KIAA1217: variants seen among roughly 807,000 people sequenced by gnomAD.
The protein encoded by KIAA1217 is sickle tail protein homolog.
In KIAA1217, 88 loss-of-function variants were observed where a neutral mutation model predicts 163.9. That is an observed-to-expected ratio of 0.54 (90% confidence interval 0.45 to 0.64). The LOEUF (loss-of-function observed/expected upper bound fraction) is 0.64. Among genes scored for constraint, KIAA1217 ranks in the 30% least tolerant of loss-of-function variants. The probability of loss-of-function intolerance (pLI) is 0.00; values close to 1 mark genes in which losing one functional copy is unlikely to be tolerated. For missense variants in KIAA1217, 2,372 were observed against 2,475.0 expected, an observed-to-expected ratio of 0.96 and a Z score of 0.88; for synonymous variants, 903 against 923.1, an observed-to-expected ratio of 0.98 and a Z score of 0.39.
chr10:24,518,739 TCAAGAATC>T (rs1322088207), intron 10 of KIAA1217, among the ~76,000 whole-genome samples: 1 of 152,180 alleles, frequency 6.6e-6, no homozygotes, highest in African/African-American at 2.4e-5. Context: ...TCTCTTCGTG[TCAAGAATC>T]CAATAGCTGT....
chr10:23,968,029 G>A (rs1271694257), intron 1 of KIAA1217, among the ~76,000 whole-genome samples: 1 of 151,266 alleles, frequency 6.6e-6, no homozygotes, highest in Non-Finnish European at 1.5e-5. Flanking sequence ...CATGTGCCAT[G>A]GTGGTTTGCT....
intron 2 of KIAA1217, among the ~76,000 whole-genome samples, chr10:24,063,089 T>A (rs1255407508): frequency 6.6e-6 from 1 of 152,162 alleles, no homozygotes; most frequent in East Asian, 1.9e-4. Flanking sequence ...TTCTGTAGGT[T>A]GCCTGTTCAC....
At chr10:23,855,742 C>T (rs1221583554) in intron 1 of KIAA1217, among the ~76,000 whole-genome samples, 1 of 152,148 alleles carries the variant, frequency 6.6e-6, no homozygotes, top group Non-Finnish European at 1.5e-5. Context: ...AACTTTCCTT[C>T]TCGCTTCATT....
Position 23,862,595 on chromosome 10 carries a change from A to T in KIAA1217, c.-320-144630A>T, listed in dbSNP as rs532667186. Among the ~76,000 whole-genome samples the T allele has an allele frequency of 2.0e-5, 3 of 152,272 alleles. No homozygotes were observed. In the South Asian group the frequency reaches 6.2e-4, roughly 32 times the overall value. On this transcript the variant is annotated intron_variant, in intron 1 of 18. Coordinates refer to the KIAA1217 transcript ENST00000376462. Reference sequence around the variant, plus strand: ...TGTAATTACTTATACTTTTATCCAAACAGATTGAAAACAGTAATAAAAATT... The same window carrying T: ...TGTAATTACTTATACTTTTATCCAATCAGATTGAAAACAGTAATAAAAATT...
intron 1 of KIAA1217, among the ~76,000 whole-genome samples, chr10:23,871,206 T>C (rs922612855): frequency 6.6e-6 from 1 of 152,114 alleles, no homozygotes; most frequent in African/African-American, 2.4e-5. Context: ...ACTTGATTAC[T>C]GTCATTGTAG....
At chr10:24,497,213 G>A (rs560702674) in intron 8 of KIAA1217, among the ~76,000 whole-genome samples, 2 of 152,314 alleles carry the variant, frequency 1.3e-5, no homozygotes, top group East Asian at 3.9e-4. Flanking sequence ...AACTCATCTG[G>A]CCAAGAGTAA....
intron 2 of KIAA1217, among the ~76,000 whole-genome samples, chr10:24,172,822 T>G (rs2065693747): frequency 6.6e-6 from 1 of 152,202 alleles, no homozygotes; most frequent in Admixed American, 6.5e-5. Context: ...TCACTTCTGT[T>G]TTCTCTATTT....
intron 1 of KIAA1217, among the ~76,000 whole-genome samples, chr10:23,954,494 G>A (rs184824428): frequency 4.5e-4 from 69 of 152,108 alleles, no homozygotes; most frequent in African/African-American, 1.5e-3. Context: ...GAGCCTAGGA[G>A]GTTGACGCTG....
chr10:24,124,866 C>T (rs540646476), intron 2 of KIAA1217, among the ~76,000 whole-genome samples: 1 of 152,254 alleles, frequency 6.6e-6, no homozygotes, highest in South Asian at 2.1e-4. Context: ...GAGACTTACT[C>T]ATTTTATATT....
At chr10:24,355,990 AC>A (rs1025365003) in intron 2 of KIAA1217, among the ~76,000 whole-genome samples, 17 of 151,244 alleles carry the variant, frequency 1.1e-4, no homozygotes, top group African/African-American at 4.1e-4. Context: ...TTTGTGATCC[AC>A]CCGCCTCGGC....
chr10:24,454,799 C>T (rs533943698), intron 5 of KIAA1217, among the ~76,000 whole-genome samples: 2 of 151,962 alleles, frequency 1.3e-5, no homozygotes, highest in African/African-American at 2.4e-5. Flanking sequence ...AAGTGGAAAC[C>T]GTTTTTGCTT....
chr10:24,001,832 C>A lies in KIAA1217; in HGVS notation c.-320-5393C>A, dbSNP rs370269527. ...GCCACTACTTCATGCCATACTTAAA[C>A]AAGGAGGAGTTTGCTATGGTTTTCA... On this transcript the variant is annotated intron_variant, in intron 1 of 18. Transcript: ENST00000376462. 3.9e-4 allele frequency among the ~76,000 whole-genome samples: 60 copies of A among 152,290 alleles called. No homozygotes were observed. The East Asian group carries it at 0.01, about 26-fold the overall frequency.
chr10:24,314,282 CTGTTAGTCCA>C (rs1241986344), intron 2 of KIAA1217, among the ~76,000 whole-genome samples: 1 of 152,154 alleles, frequency 6.6e-6, no homozygotes, highest in African/African-American at 2.4e-5. Context: ...AGTACCAGCC[CTGTTAGTCCA>C]TGGTAAGATT....
chr10:24,497,425 G>A (rs573479061), intron 8 of KIAA1217, among the ~76,000 whole-genome samples: 5 of 152,226 alleles, frequency 3.3e-5, no homozygotes, highest in Non-Finnish European at 4.4e-5. Context: ...TTTCCAAAGC[G>A]ACACAGCTAT....
intron 1 of KIAA1217, among the ~76,000 whole-genome samples, chr10:23,878,257 T>G (rs1382337116): frequency 1.4e-5 from 2 of 147,408 alleles, no homozygotes; most frequent in Admixed American, 6.6e-5. Context: ...CCAAAATGGA[T>G]TTTTTAAAAA....
At chr10:24,361,212 G>A (rs1382900232) in intron 2 of KIAA1217, among the ~76,000 whole-genome samples, 1 of 151,882 alleles carries the variant, frequency 6.6e-6, no homozygotes, top group Non-Finnish European at 1.5e-5. Flanking sequence ...TTGAGACAGG[G>A]TCTAACACTG....
chr10:23,859,465 G>A (rs1839855855), intron 1 of KIAA1217, among the ~76,000 whole-genome samples: 1 of 152,114 alleles, frequency 6.6e-6, no homozygotes, highest in South Asian at 2.1e-4. Flanking sequence ...AATATATTTG[G>A]TGTCATATTT....
chr10:24,538,484 C>G (rs1262210208), intron 17 of KIAA1217, among the ~76,000 whole-genome samples: 1 of 147,694 alleles, frequency 6.8e-6, no homozygotes, highest in African/African-American at 2.5e-5. Flanking sequence ...TCAAGACCAG[C>G]CTGGGCAACA....
intron 2 of KIAA1217, chr10:24,275,686 A>G (rs374852885): frequency 2.0e-6 from 1 of 512,504 alleles, no homozygotes; most frequent in African/African-American, 2.0e-5. Context: ...TGCAGGCAAG[A>G]TTGATGCTGT....
Sources: gnomAD v4.1 joint callset for allele counts (sites outside exome capture counted in the v4.1 genomes callset) on GRCh38, gnomAD v4.1.1 for gene constraint, MANE v1.5 for transcripts, NCBI Gene and HGNC (gene_info 2026-07-23, HGNC 2026-07-21) for gene names.